The following CFAP57 variants were observed in gnomAD, a reference collection of about 807,000 sequenced individuals.
The protein encoded by CFAP57 is cilia- and flagella-associated protein 57.
A neutral mutation model predicts 146.8 loss-of-function variants in CFAP57; 116 were observed. The ratio of observed to expected loss-of-function variants is 0.79; its 90% confidence interval spans 0.68 to 0.92. The LOEUF is 0.92. Among genes scored for constraint, CFAP57 ranks in the 40% least tolerant of loss-of-function variants. The pLI is 0.00. For missense variants in CFAP57, 1,377 were observed against 1,527.2 expected, an observed-to-expected ratio of 0.90 and a Z score of 1.64; for synonymous variants, 518 against 552.8, an observed-to-expected ratio of 0.94 and a Z score of 0.88.
intron 9 of CFAP57, among the ~76,000 whole-genome samples, chr1:43,204,879 G>A (rs1347812356): frequency 6.6e-6 from 1 of 152,118 alleles, no homozygotes; most frequent in Admixed American, 6.5e-5. Context: ...TCCAGGCTGC[G>A]AGGGATGAAT....
Position 43,182,095 on chromosome 1 carries a change from A to G in CFAP57, c.474+245A>G, listed in dbSNP as rs1023890132. Among the ~76,000 whole-genome samples the G allele has an allele frequency of 3.9e-5, 6 of 152,054 alleles. No individual in the cohort carries two copies. The East Asian group carries it at 7.7e-4, about 20-fold the overall frequency. On this transcript the variant is annotated intron_variant, in intron 3 of 22. Transcript: ENST00000372492. The stretch of plus-strand genomic sequence containing the variant: ...GAATAGCAGAGCTAGGAGTTCCCCA[A>G]CTCCAGCTCCTGTCTTCTCTACTCT...
rs1645023141 is a variant in CFAP57 at position 43,172,719 on chromosome 1, C to T, written c.-19-16C>T. 3.7e-6 allele frequency: 6 copies of T among 1,613,006 alleles called. No individual in the cohort carries two copies. Among genetic ancestry groups the T allele is most frequent in the Non-Finnish European group, 5.1e-6 (6 of 1,179,906 alleles). ...CGGTGCTCTCCACTCTGAAGCGCTG[C>T]CTTGGTCTTCAGCAGAACTGTTTGG... is the stretch of plus-strand genomic sequence containing the variant. On this transcript the variant is annotated splice_polypyrimidine_tract_variant and intron_variant, in intron 1 of 22. Coordinates refer to ENST00000372492, the MANE Select transcript of CFAP57 (RefSeq NM_001378189.1).
chr1:43,226,725 G>A (rs931861106), intron 17 of CFAP57, among the ~76,000 whole-genome samples: 9 of 152,246 alleles, frequency 5.9e-5, no homozygotes, highest in African/African-American at 1.9e-4. Flanking sequence ...GGGGGCCATC[G>A]TTGGAAAATA....
chr1:43,177,849 G>A (rs1275550419), intron 2 of CFAP57, among the ~76,000 whole-genome samples: 1 of 152,200 alleles, frequency 6.6e-6, no homozygotes, highest in Non-Finnish European at 1.5e-5. Context: ...CTCACCTCCT[G>A]CTGTGTAGCC....
chr1:43,251,903 A>G (rs1354986503), intron 22 of CFAP57, among the ~76,000 whole-genome samples: 5 of 152,230 alleles, frequency 3.3e-5, no homozygotes, highest in Non-Finnish European at 5.9e-5. Flanking sequence ...AAAGCAGAGT[A>G]TGGAAGTAGA....
At position 43,172,866 on chromosome 1, in the gene CFAP57, G is replaced by T. The variant is rs753034229; in HGVS notation, c.113G>T (p.Cys38Phe). 9.9e-6 allele frequency: 16 copies of T among 1,613,946 alleles called. No homozygotes were observed. The highest frequency in any genetic ancestry group is 1.7e-5 in the Admixed American group (1 of 60,010). Residue 38 changes from cysteine (C) to phenylalanine (F), a missense_variant, in exon 2 of 23, where the codon TGT (cysteine) becomes TTT (phenylalanine). Transcript: ENST00000372492. The part of the protein sequence containing the change: ...QIIIFPSGNH[C>F]VKYNVDQKWQ... ...ATTATATTTCCTTCAGGAAATCACT[G>T]TGTGAAGTACAATGTGGATCAGAAA...
intron 12 of CFAP57, among the ~76,000 whole-genome samples, chr1:43,217,289 T>G (rs776088761): frequency 6.6e-6 from 1 of 152,186 alleles, no homozygotes; most frequent in Admixed American, 6.5e-5. Flanking sequence ...TGACTTAACA[T>G]GATTCGCATC....
At chr1:43,248,123 A>C (rs1646180033) in intron 22 of CFAP57, among the ~76,000 whole-genome samples, 1 of 125,302 alleles carries the variant, frequency 8.0e-6, no homozygotes. Flanking sequence ...TGGGTGACAG[A>C]GCAAGACTCT....
rs1014773718 is a variant in CFAP57, at chr1:43,201,643, T to C, written c.1542+2140T>C. ...ACAAACTCTTTTTTTGAGACAGAGTTTCGCTTTCGTTGCCCAGGCTGGAGT... is the reference window on the plus strand; with the variant it reads ...ACAAACTCTTTTTTTGAGACAGAGTCTCGCTTTCGTTGCCCAGGCTGGAGT... On this transcript the variant is annotated intron_variant, in intron 9 of 22. Transcript: ENST00000372492. The surrounding 1 kb of genome is among the most constrained non-coding windows in gnomAD (Gnocchi z 4.4). 6.6e-6 allele frequency among the ~76,000 whole-genome samples: 1 copy of C among 152,180 alleles called. No individual in the cohort carries two copies. Among genetic ancestry groups the C allele is most frequent in the Non-Finnish European group, 1.5e-5 (1 of 68,030 alleles).
At chr1:43,227,303 G>T (rs377175333) in intron 18 of CFAP57, among the ~76,000 whole-genome samples, 177 bp downstream of exon 18, 10 of 152,226 alleles carry the variant, frequency 6.6e-5, no homozygotes, top group Admixed American at 4.6e-4. Context: ...CCCGCTGCAG[G>T]CTCAGCTGAC....
intron 15 of CFAP57, 149 bp from the exon 16 acceptor site, chr1:43,222,675 C>T: frequency 2.3e-6 from 2 of 868,698 alleles, no homozygotes; most frequent in East Asian, 5.6e-5. Flanking sequence ...AGGTCAAGGG[C>T]CCTGTGGCCA....
At chr1:43,180,767 T>C (rs1273824498) in intron 2 of CFAP57, among the ~76,000 whole-genome samples, 1 of 152,148 alleles carries the variant, frequency 6.6e-6, no homozygotes, top group Non-Finnish European at 1.5e-5. Context: ...AATCCAGTAG[T>C]TGGCATCCCA....
At chr1:43,199,198 T>C (rs1288131275) in intron 8 of CFAP57, among the ~76,000 whole-genome samples, 192 bp from the exon 9 acceptor site, 1 of 152,210 alleles carries the variant, frequency 6.6e-6, no homozygotes, top group Non-Finnish European at 1.5e-5. Flanking sequence ...ATCTGGCCAC[T>C]ATGAGTTACA....
intron 8 of CFAP57, among the ~76,000 whole-genome samples, chr1:43,198,865 A>G (rs1643984200): frequency 6.6e-6 from 1 of 152,224 alleles, no homozygotes; most frequent in Admixed American, 6.5e-5. Flanking sequence ...AGACTATTTC[A>G]TTGAACCTAA....
chr1:43,237,174 A>C (rs1645738394), intron 21 of CFAP57, among the ~76,000 whole-genome samples: 1 of 152,154 alleles, frequency 6.6e-6, no homozygotes, highest in African/African-American at 2.4e-5. Flanking sequence ...TTCAATCCAA[A>C]AAGGCTGAGG....
intron 11 of CFAP57, among the ~76,000 whole-genome samples, chr1:43,214,585 T>A (rs890002545): frequency 6.6e-6 from 1 of 152,234 alleles, no homozygotes; most frequent in Non-Finnish European, 1.5e-5. Context: ...ACCAATCATA[T>A]ACAGGCTTTT....
chr1:43,234,128 T>G, intron 19 of CFAP57, 151 bp from the exon 20 acceptor site: 1 of 920,696 alleles, frequency 1.1e-6, no homozygotes, highest in Non-Finnish European at 1.5e-6. Flanking sequence ...CCCGTCTAAG[T>G]TTCTATGCCC....
At chr1:43,224,009 CTT>C in intron 16 of CFAP57, 35 bp from the exon 17 acceptor site, 1 of 1,549,146 alleles carries the variant, frequency 6.5e-7, no homozygotes, top group Non-Finnish European at 8.7e-7. Flanking sequence ...TGAGTTCTGA[CTT>C]TAGTGGTCTT....
intron 5 of CFAP57, among the ~76,000 whole-genome samples, chr1:43,185,710 G>A (rs1390046667): frequency 6.6e-6 from 1 of 151,242 alleles, no homozygotes; most frequent in African/African-American, 2.4e-5. Context: ...ATGAGGTCAG[G>A]AGTTTGAGAC....
Sources: allele counts gnomAD v4.1 joint callset (sites outside exome capture counted in the v4.1 genomes callset), GRCh38; gene constraint gnomAD v4.1.1; non-coding constraint Gnocchi (gnomAD v3.1); transcripts MANE v1.5; gene names NCBI Gene and HGNC (gene_info 2026-07-23, HGNC 2026-07-21).